The following GPR39 variants were observed in gnomAD, a reference collection of about 807,000 sequenced individuals.
GPR39 encodes the protein G protein-coupled receptor 39.
A neutral mutation model predicts 18.4 loss-of-function variants in GPR39; 23 were observed. The observed-to-expected ratio is 1.25, with a 90% CI of 0.90 to 1.77. GPR39 has a LOEUF of 1.77. Ranked by LOEUF, GPR39 falls within the 40% of genes most tolerant of loss-of-function variation. GPR39 has a pLI of 0.00. For synonymous variants in GPR39, 280 were observed against 257.9 expected, an observed-to-expected ratio of 1.09 and a Z score of -0.82; for missense variants, 647 against 602.4, an observed-to-expected ratio of 1.07 and a Z score of -0.78.
At chr2:132,570,581 C>T (rs1014630219) in intron 1 of GPR39, among the ~76,000 whole-genome samples, 4 of 152,124 alleles carry the variant, frequency 2.6e-5, no homozygotes, top group African/African-American at 9.7e-5. Context: ...TCAGGTTTCT[C>T]CTATCTTAAA....
intron 1 of GPR39, among the ~76,000 whole-genome samples, chr2:132,634,950 A>G (rs1028712303): frequency 6.6e-6 from 1 of 152,220 alleles, no homozygotes; most frequent in Admixed American, 6.5e-5. Context: ...AATCAGTAGC[A>G]AAGGGGGCTT....
At chr2:132,584,933 G>T (rs1384729107) in intron 1 of GPR39, among the ~76,000 whole-genome samples, 1 of 152,176 alleles carries the variant, frequency 6.6e-6, no homozygotes, top group Non-Finnish European at 1.5e-5. Context: ...ACAGATCTCA[G>T]AACCTCCTCA....
chr2:132,442,534 T>A (rs1428775717), intron 1 of GPR39, among the ~76,000 whole-genome samples: 1 of 152,174 alleles, frequency 6.6e-6, no homozygotes, highest in Non-Finnish European at 1.5e-5. Context: ...AAACAGAAGG[T>A]GGGCCTGTCT....
chr2:132,551,756 A>C (rs1480309020), intron 1 of GPR39, among the ~76,000 whole-genome samples: 1 of 152,132 alleles, frequency 6.6e-6, no homozygotes, highest in African/African-American at 2.4e-5. Flanking sequence ...CGAGAGGATA[A>C]ATTTTATGAA....
intron 1 of GPR39, among the ~76,000 whole-genome samples, chr2:132,496,610 T>C (rs1468981539): frequency 6.6e-6 from 1 of 152,186 alleles, no homozygotes; most frequent in Admixed American, 6.5e-5. Context: ...TTACCAAACC[T>C]TTTTGTTTTC....
At chr2:132,605,592 C>A (rs994457815) in intron 1 of GPR39, among the ~76,000 whole-genome samples, 1 of 152,178 alleles carries the variant, frequency 6.6e-6, no homozygotes, top group African/African-American at 2.4e-5. Flanking sequence ...TGGGTGCCCG[C>A]AGGAATCTCA....
At chr2:132,564,350 C>T (rs1456158550) in intron 1 of GPR39, among the ~76,000 whole-genome samples, 1 of 152,208 alleles carries the variant, frequency 6.6e-6, no homozygotes, top group Non-Finnish European at 1.5e-5. Context: ...AGGAAACATT[C>T]AGAGCACATT....
At chr2:132,558,875 C>G (rs1680199562) in intron 1 of GPR39, among the ~76,000 whole-genome samples, 1 of 152,166 alleles carries the variant, frequency 6.6e-6, no homozygotes, top group Non-Finnish European at 1.5e-5. Context: ...ACACAAGCTT[C>G]TTGGCTCAAT....
At chr2:132,640,085 C>G (rs1681832863) in intron 1 of GPR39, among the ~76,000 whole-genome samples, 1 of 152,134 alleles carries the variant, frequency 6.6e-6, no homozygotes, top group Non-Finnish European at 1.5e-5. Context: ...CTCAAGGTCT[C>G]CTCTTGATCT....
At chr2:132,618,098 C>T (rs577568379) in intron 1 of GPR39, among the ~76,000 whole-genome samples, 1 of 152,302 alleles carries the variant, frequency 6.6e-6, no homozygotes, top group African/African-American at 2.4e-5. Context: ...TGAGAAAATT[C>T]TGTTGGGCCC....
At chr2:132,600,781 TTTG>T (rs1253869790) in intron 1 of GPR39, among the ~76,000 whole-genome samples, 3 of 152,076 alleles carry the variant, frequency 2.0e-5, no homozygotes, top group East Asian at 3.9e-4. Flanking sequence ...CCAAACTTAT[TTTG>T]TTGTTGTTTA....
chr2:132,461,288 A>G (rs1680827997), intron 1 of GPR39, among the ~76,000 whole-genome samples: 1 of 152,132 alleles, frequency 6.6e-6, no homozygotes, highest in African/African-American at 2.4e-5. Flanking sequence ...CTACTCTATC[A>G]CAGAGCTGGC....
chr2:132,464,796 C>A (rs1307153394), intron 1 of GPR39, among the ~76,000 whole-genome samples: 1 of 152,214 alleles, frequency 6.6e-6, no homozygotes, highest in African/African-American at 2.4e-5. Context: ...CCCACTAGTC[C>A]TTCTAGCAAA....
At chr2:132,639,191 A>T (rs1681816947) in intron 1 of GPR39, among the ~76,000 whole-genome samples, 1 of 151,646 alleles carries the variant, frequency 6.6e-6, no homozygotes, top group African/African-American at 2.4e-5. Context: ...GATCCTTAAT[A>T]GGCCCCAGCC....
rs572844574 is a variant in GPR39 at position 132,525,909 on chromosome 2, G to T, written c.856+108011G>T. Among the ~76,000 whole-genome samples the T allele has an allele frequency of 4.6e-5, 7 of 152,296 alleles. No homozygotes were observed. The East Asian group carries it at 1.4e-3, about 29-fold the overall frequency. ...CATTCCCTGAGTGCCTGAGATAAATGCTCCATGAAAGTGGACACGGAACAT... is the reference window on the plus strand; with the variant it reads ...CATTCCCTGAGTGCCTGAGATAAATTCTCCATGAAAGTGGACACGGAACAT... On this transcript the variant is annotated intron_variant, in intron 1 of 1. Coordinates refer to ENST00000329321, the MANE Select transcript of GPR39 (RefSeq NM_001508.3).
At chr2:132,443,909 C>G (rs1163290931) in intron 1 of GPR39, among the ~76,000 whole-genome samples, 2 of 152,050 alleles carry the variant, frequency 1.3e-5, no homozygotes, top group Non-Finnish European at 2.9e-5. Flanking sequence ...GTCTCTATCA[C>G]AAAAATACAA....
intron 1 of GPR39, among the ~76,000 whole-genome samples, chr2:132,489,521 T>G (rs1289699892): frequency 6.6e-6 from 1 of 152,042 alleles, no homozygotes; most frequent in Non-Finnish European, 1.5e-5. Flanking sequence ...CCGGAGGACT[T>G]TTTGATGAGC....
intron 1 of GPR39, among the ~76,000 whole-genome samples, chr2:132,622,011 C>G (rs1681450300): frequency 6.6e-6 from 1 of 152,206 alleles, no homozygotes; most frequent in Non-Finnish European, 1.5e-5. Context: ...TCTGCTCATG[C>G]TCTCCTGCCC....
At chr2:132,630,349 A>G (rs543016763) in intron 1 of GPR39, among the ~76,000 whole-genome samples, 2 of 152,310 alleles carry the variant, frequency 1.3e-5, no homozygotes, top group South Asian at 4.1e-4. Context: ...ACAGTTAACA[A>G]GGAGAGAAGA....
Sources: allele counts gnomAD v4.1 joint callset (sites outside exome capture counted in the v4.1 genomes callset), GRCh38; gene constraint gnomAD v4.1.1; transcripts MANE v1.5; gene names NCBI Gene and HGNC (gene_info 2026-07-23, HGNC 2026-07-21).